DSCAM: variants seen among roughly 807,000 people sequenced by gnomAD.
The protein encoded by DSCAM is DS cell adhesion molecule, also known as cell adhesion molecule DSCAM.
Under a neutral mutation model 217.7 loss-of-function variants are expected in DSCAM, and 47 were observed. The ratio of observed to expected loss-of-function variants is 0.22; its 90% CI spans 0.17 to 0.28. The LOEUF (loss-of-function observed/expected upper bound fraction) is 0.28, where lower values mean the gene tolerates loss of function less well. DSCAM is among the 10% of genes least tolerant of loss of function. The pLI, the probability that DSCAM is intolerant of heterozygous loss-of-function variation, is 1.00. For missense variants in DSCAM, 2,080 were observed against 2,618.3 expected (o/e 0.79, Z 4.49); for synonymous variants, 1,056 against 1,015.3 (o/e 1.04, Z -0.76).
intron 3 of DSCAM, among the ~76,000 whole-genome samples, chr21:40,428,912 A>C (rs996527054): frequency 4.6e-5 from 7 of 152,128 alleles, no homozygotes; most frequent in Non-Finnish European, 1.0e-4. Flanking sequence ...AAGTTGCATT[A>C]GTGTATGAAA....
chr21:40,157,269 T>C (rs1285962476), intron 16 of DSCAM, among the ~76,000 whole-genome samples: 2 of 152,216 alleles, frequency 1.3e-5, no homozygotes, highest in African/African-American at 4.8e-5. Context: ...CTGCAGGGCC[T>C]ACAAAGCTGA....
chr21:40,387,595 G>A (rs2075098318), intron 3 of DSCAM, among the ~76,000 whole-genome samples: 1 of 152,170 alleles, frequency 6.6e-6, no homozygotes, highest in Non-Finnish European at 1.5e-5. Context: ...AAGGAGCACT[G>A]AGAAATGTTT....
chr21:40,400,393 A>G (rs188885112), intron 3 of DSCAM, among the ~76,000 whole-genome samples: 2 of 152,370 alleles, frequency 1.3e-5, no homozygotes, highest in African/African-American at 2.4e-5. Flanking sequence ...AGAATGCTCA[A>G]TTCTCATATC....
chr21:40,813,438 T>C (rs903788569), intron 1 of DSCAM, among the ~76,000 whole-genome samples: 18 of 152,202 alleles, frequency 1.2e-4, no homozygotes, highest in Non-Finnish European at 2.6e-4. Flanking sequence ...ATGTCAGCAT[T>C]TAATATTTAA....
At chr21:40,824,893 C>T (rs1361346681) in intron 1 of DSCAM, among the ~76,000 whole-genome samples, 1 of 152,118 alleles carries the variant, frequency 6.6e-6, no homozygotes, top group Non-Finnish European at 1.5e-5. Flanking sequence ...GTTTTTAAAT[C>T]CCCCTCTCTT....
At chr21:40,781,992 CAAAAAAAAAA>C (rs57750960) in intron 1 of DSCAM, among the ~76,000 whole-genome samples, 6 of 106,400 alleles carry the variant, frequency 5.6e-5, no homozygotes, top group Non-Finnish European at 1.0e-4. Flanking sequence ...ACTAAAAATA[CAAAAAAAAAA>C]AAAAAAAAGA....
intron 19 of DSCAM, 77 bp from the exon 20 acceptor site, chr21:40,124,405 C>T: frequency 1.9e-6 from 3 of 1,568,114 alleles, no homozygotes; most frequent in South Asian, 1.1e-5. Context: ...AACATGACCC[C>T]ACTCCGCACT....
chr21:40,635,093 C>T (rs67533908), intron 3 of DSCAM, among the ~76,000 whole-genome samples: 41,338 of 151,884 alleles, frequency 0.27, 5,665 homozygotes, highest in East Asian at 0.42. Flanking sequence ...GAAAGAATGA[C>T]GGCATCTGGG....
intron 1 of DSCAM, among the ~76,000 whole-genome samples, chr21:40,718,969 A>T (rs2090872576): frequency 6.6e-6 from 1 of 152,066 alleles, no homozygotes. Context: ...ACCAAAAATT[A>T]GCTGGGTGTG....
intron 3 of DSCAM, among the ~76,000 whole-genome samples, chr21:40,582,988 G>A (rs1250238985): frequency 1.3e-5 from 2 of 152,022 alleles, no homozygotes; most frequent in Admixed American, 1.3e-4. Flanking sequence ...TACTAGATGA[G>A]AGATGAATTA....
intron 3 of DSCAM, among the ~76,000 whole-genome samples, chr21:40,671,434 G>A (rs2090272215): frequency 6.6e-6 from 1 of 152,128 alleles, no homozygotes; most frequent in African/African-American, 2.4e-5. Context: ...CCAGCAGTTT[G>A]GGAGGCTGAG....
intron 3 of DSCAM, among the ~76,000 whole-genome samples, chr21:40,657,980 C>T (rs2090094849): frequency 6.6e-6 from 1 of 152,120 alleles, no homozygotes; most frequent in Admixed American, 6.5e-5. Flanking sequence ...AGAAATGCTA[C>T]TTTGTGGAAA....
intron 3 of DSCAM, among the ~76,000 whole-genome samples, chr21:40,407,691 G>C (rs558219436): frequency 3.0e-4 from 45 of 152,282 alleles, no homozygotes; most frequent in East Asian, 1.9e-4. Flanking sequence ...CCACTCATTT[G>C]GGCTGTCTCA....
intron 3 of DSCAM, among the ~76,000 whole-genome samples, chr21:40,659,831 C>T (rs189777014): frequency 4.7e-4 from 71 of 152,160 alleles, no homozygotes; most frequent in South Asian, 2.3e-3. Flanking sequence ...CTAAAGCCAA[C>T]GATAGAAACC....
chr21:40,643,427 G>A (rs190001967), intron 3 of DSCAM, among the ~76,000 whole-genome samples: 1 of 152,194 alleles, frequency 6.6e-6, no homozygotes, highest in African/African-American at 2.4e-5. Flanking sequence ...TTCGCGAGCT[G>A]CTCAGGAGGA....
At chr21:40,578,355 T>G (rs1223674217) in intron 3 of DSCAM, among the ~76,000 whole-genome samples, 1 of 152,120 alleles carries the variant, frequency 6.6e-6, no homozygotes, top group African/African-American at 2.4e-5. Context: ...GGATTGTAAA[T>G]GCACCAATCA....
chr21:40,544,252 A>G (rs728412), intron 3 of DSCAM, among the ~76,000 whole-genome samples: 1 of 152,190 alleles, frequency 6.6e-6, no homozygotes, highest in Non-Finnish European at 1.5e-5. Flanking sequence ...AGTCTATGCA[A>G]AGTATATGCA....
At position 40,026,956 on chromosome 21, in the gene DSCAM, A is replaced by G. The variant is rs1329832278; in HGVS notation, c.5687-13570T>C. Among the ~76,000 whole-genome samples, 3 of 152,430 alleles carry G rather than the reference A, an allele frequency of 2.0e-5. No homozygotes were observed. The East Asian group carries it at 5.8e-4, about 29-fold the overall frequency. On this transcript the variant is annotated intron_variant, in intron 32 of 32. Transcript: ENST00000400454. The stretch of plus-strand genomic sequence containing the variant: ...GGTTATTTTGCTCGTTAGTTGATGC[A>G]GTTTCTTCCTAGTCTTGATGGTCTC...
chr21:40,822,527 A>G (rs1429140267), intron 1 of DSCAM, among the ~76,000 whole-genome samples: 1 of 151,982 alleles, frequency 6.6e-6, no homozygotes, highest in Non-Finnish European at 1.5e-5. Flanking sequence ...AACCATATTT[A>G]TACTGTGCTT....
Sources: gnomAD v4.1 joint callset for allele counts (sites outside exome capture counted in the v4.1 genomes callset) on GRCh38, gnomAD v4.1.1 for gene constraint, MANE v1.5 for transcripts, NCBI Gene and HGNC (gene_info 2026-07-23, HGNC 2026-07-21) for gene names.